Variants in UBR1 observed in about 807,000 individuals in gnomAD.
UBR1 encodes the protein ubiquitin protein ligase E3 component n-recognin 1, also known as E3 ubiquitin-protein ligase UBR1.
Under a neutral mutation model 242.1 loss-of-function variants are expected in UBR1, and 102 were observed. The ratio of observed to expected loss-of-function variants is 0.42; its 90% CI spans 0.36 to 0.50. The LOEUF is 0.50. Ranked by LOEUF, UBR1 falls within the 20% of genes least tolerant of loss-of-function variation. The pLI, the probability that UBR1 is intolerant of heterozygous loss-of-function variation, is 0.01. For synonymous variants in UBR1, 675 were observed against 684.8 expected (o/e 0.99, Z 0.22); for missense variants, 1,772 against 2,101.8 (o/e 0.84, Z 3.07).
At chr15:42,954,343 A>C (rs2031882857) in intron 44 of UBR1, among the ~76,000 whole-genome samples, 1 of 152,188 alleles carries the variant, frequency 6.6e-6, no homozygotes, top group African/African-American at 2.4e-5. Flanking sequence ...AAAGTGACCC[A>C]ACCATTCCTT....
chr15:42,994,029 C>T (rs1242052808), intron 33 of UBR1, among the ~76,000 whole-genome samples: 1 of 152,104 alleles, frequency 6.6e-6, no homozygotes, highest in Non-Finnish European at 1.5e-5. Context: ...TTGTTAATTG[C>T]TAAATAGTCA....
chr15:43,068,078 T>G, intron 5 of UBR1, 42 bp from the exon 6 acceptor site: 2 of 948,888 alleles, frequency 2.1e-6, no homozygotes, highest in Non-Finnish European at 2.7e-6. Context: ...CTACAACAAA[T>G]AAAGGAAAAG....
chr15:43,029,928 C>A lies in UBR1; in HGVS notation c.2379+16G>T. On this transcript the variant is annotated intron_variant, in intron 21 of 46. Coordinates refer to ENST00000290650, the MANE Select transcript of UBR1 (RefSeq NM_174916.3). Reference sequence around the variant, plus strand: ...CATCTTGAGGTACATAGAGATAAAACCAAAATCAGACTTACATTCTCAGGT... The same window carrying A: ...CATCTTGAGGTACATAGAGATAAAAACAAAATCAGACTTACATTCTCAGGT... 3 of 1,613,778 alleles carry A rather than the reference C, an allele frequency of 1.9e-6. No individual in the cohort carries two copies. The highest frequency in any genetic ancestry group is 2.5e-6 in the Non-Finnish European group (3 of 1,179,888).
At chr15:43,028,867 T>C (rs2033214319) in intron 21 of UBR1, among the ~76,000 whole-genome samples, 1 of 151,922 alleles carries the variant, frequency 6.6e-6, no homozygotes, top group Non-Finnish European at 1.5e-5. Context: ...GTGGATCACT[T>C]GAGGTCAGGA....
intron 12 of UBR1, among the ~76,000 whole-genome samples, chr15:43,048,774 C>T (rs753124429): frequency 3.9e-5 from 6 of 152,212 alleles, no homozygotes; most frequent in Non-Finnish European, 7.3e-5. Context: ...CTGACCAAGC[C>T]TGTCACAGCT....
chr15:43,058,144 A>G (rs548803708), intron 10 of UBR1, among the ~76,000 whole-genome samples, 197 bp downstream of exon 10: 232 of 152,234 alleles, frequency 1.5e-3, no homozygotes, highest in African/African-American at 5.5e-3. Flanking sequence ...TCCTGACTTC[A>G]AATGATCCAC....
At chr15:43,034,237 AAAATAAATAAATAAAT>A (rs35184791) in intron 19 of UBR1, among the ~76,000 whole-genome samples, 4 of 110,920 alleles carry the variant, frequency 3.6e-5, no homozygotes, top group Admixed American at 1.1e-4. Flanking sequence ...CTCCATCTCA[AAAATAAATAAATAAAT>A]AAATAAATAA....
rs369470712 is a variant in UBR1, at chr15:43,015,110, C to T, written c.3209+578G>A. ...GCCCCTACTGGGAAGTGAGGAGCCC[C>T]TCTGCCCGGCCACCACCCCGTCTGG... On this transcript the variant is annotated intron_variant, in intron 29 of 46. Transcript: ENST00000290650. 2.1e-3 allele frequency among the ~76,000 whole-genome samples: 321 copies of T among 152,322 alleles called. 4 individuals carry two copies. Among genetic ancestry groups the T allele is most frequent in the South Asian group, 0.011 (51 of 4,822 alleles).
At chr15:42,961,514 C>T (rs1001942228) in intron 42 of UBR1, among the ~76,000 whole-genome samples, 3 of 151,688 alleles carry the variant, frequency 2.0e-5, no homozygotes, top group Non-Finnish European at 2.9e-5. Context: ...ACTTCTGCCT[C>T]CCAGGTTCAA....
chr15:43,105,872 C>G, intron 1 of UBR1, 70 bp downstream of exon 1: 1 of 1,479,430 alleles, frequency 6.8e-7, no homozygotes, highest in Non-Finnish European at 9.4e-7. Context: ...GGGTGAAGCC[C>G]CACATCCTCC....
In UBR1 at chr15:42,944,948, T is replaced by A. The variant is rs550997551; in HGVS notation, c.*381A>T. 1 of 257,416 alleles carries A rather than the reference T, an allele frequency of 3.9e-6. No homozygotes were observed. Among genetic ancestry groups the A allele is most frequent in the African/African-American group, 2.3e-5 (1 of 44,226 alleles). 15.9% of individuals were successfully genotyped at this position (257,416 alleles called of 1,614,324 possible). A position where few individuals can be genotyped will look rare whatever the true frequency, so the allele number is the denominator to read the frequency against. ...ATTTTGTCAGTGATCCAATGTCAGT[T>A]GAACTAAACTTGGGGGGAAAACACC... is the stretch of plus-strand genomic sequence containing the variant. On this transcript the variant is annotated 3_prime_UTR_variant, in exon 47 of 47. Transcript: ENST00000290650.
chr15:43,000,679 A>G (rs186135096), intron 32 of UBR1, among the ~76,000 whole-genome samples: 5 of 152,364 alleles, frequency 3.3e-5, no homozygotes, highest in African/African-American at 1.2e-4. Context: ...ATAATTAAAT[A>G]AGATAATGCA....
chr15:43,003,795 G>A (rs1217120405), intron 31 of UBR1, 42 bp downstream of exon 31: 3 of 1,592,116 alleles, frequency 1.9e-6, no homozygotes, highest in Non-Finnish European at 2.6e-6. Context: ...GAACTTCAAT[G>A]TTCCTAGTCT....
chr15:42,970,267 G>A (rs891702987), intron 40 of UBR1, among the ~76,000 whole-genome samples: 45 of 152,296 alleles, frequency 3.0e-4, no homozygotes, highest in African/African-American at 1.1e-3. Context: ...TTAATAAATG[G>A]TGTTGGGAAA....
intron 1 of UBR1, among the ~76,000 whole-genome samples, chr15:43,096,266 C>T (rs1194142077): frequency 2.0e-5 from 3 of 152,012 alleles, no homozygotes; most frequent in South Asian, 2.1e-4. Context: ...CTCCGCCTGC[C>T]GGATTGAAGC....
intron 36 of UBR1, 38 bp from the exon 37 acceptor site, chr15:42,984,031 G>A (rs953948660): frequency 1.3e-6 from 2 of 1,538,414 alleles, no homozygotes; most frequent in Admixed American, 3.4e-5. Flanking sequence ...AAAGATGAGG[G>A]AAGATGAGAG....
At chr15:43,014,941 C>T (rs1427014431) in intron 29 of UBR1, among the ~76,000 whole-genome samples, 4 of 150,076 alleles carry the variant, frequency 2.7e-5, no homozygotes, top group Admixed American at 6.6e-5. Flanking sequence ...GGTCAGCCCC[C>T]GCCCGGCCAG....
chr15:42,980,329 C>A lies in UBR1; in HGVS notation c.4151-2382G>T, dbSNP rs1346008424. ...ATGGGTTAAGCCAACCCTTTATGCA[C>A]AATTAAACACCTCGGCAAAGTTTAC... On this transcript the variant is annotated intron_variant, in intron 37 of 46. Transcript: ENST00000290650. Among the ~76,000 whole-genome samples, 6 of 152,256 alleles carry A rather than the reference C, an allele frequency of 3.9e-5. No individual in the cohort carries two copies. In the East Asian group the frequency reaches 1.2e-3, roughly 29 times the overall value.
chr15:43,096,859 A>C (rs1312952099), intron 1 of UBR1, among the ~76,000 whole-genome samples: 2 of 152,092 alleles, frequency 1.3e-5, no homozygotes, highest in African/African-American at 4.8e-5. Flanking sequence ...TAAAGTCTTG[A>C]ACCCCTCAAA....
Sources: gnomAD v4.1 joint callset for allele counts (sites outside exome capture counted in the v4.1 genomes callset) on GRCh38, gnomAD v4.1.1 for gene constraint, MANE v1.5 for transcripts, NCBI Gene and HGNC (gene_info 2026-07-23, HGNC 2026-07-21) for gene names.